Variants in TMEFF2 observed in about 807,000 individuals in gnomAD.
TMEFF2 encodes transmembrane protein with EGF like and two follistatin like domains 2, also known as tomoregulin-2.
TMEFF2 carries 28 observed loss-of-function variants against 53.8 expected under a neutral mutation model. That is an observed-to-expected ratio of 0.52 (90% CI 0.39 to 0.71). The LOEUF is 0.71. Among genes scored for constraint, TMEFF2 ranks in the 30% least tolerant of loss-of-function variants. The pLI is 0.00. For synonymous variants in TMEFF2, 162 were observed against 166.3 expected (o/e 0.97, Z 0.20); for missense variants, 353 against 455.2 (o/e 0.78, Z 2.04).
chr2:192,187,661 G>A (rs184111368), intron 2 of TMEFF2, among the ~76,000 whole-genome samples: 20 of 152,280 alleles, frequency 1.3e-4, no homozygotes, highest in African/African-American at 3.8e-4. Flanking sequence ...AAACGTATGT[G>A]TTGTACAAAC....
At chr2:192,109,750 G>A (rs866031972) in intron 4 of TMEFF2, among the ~76,000 whole-genome samples, 13 of 152,208 alleles carry the variant, frequency 8.5e-5, no homozygotes, top group African/African-American at 2.2e-4. Context: ...TGATATGTGC[G>A]AAATGTGTGC....
At chr2:192,054,893 GA>G (rs374591823) in intron 5 of TMEFF2, among the ~76,000 whole-genome samples, 10 of 148,038 alleles carry the variant, frequency 6.8e-5, no homozygotes, top group Admixed American at 4.0e-4. Flanking sequence ...AGATAGCTGA[GA>G]AAAAAAAACA....
At chr2:192,091,872 C>G (rs183165450) in intron 4 of TMEFF2, among the ~76,000 whole-genome samples, 20 of 152,108 alleles carry the variant, frequency 1.3e-4, no homozygotes, top group African/African-American at 4.8e-4. Context: ...GGCAGTGACA[C>G]CTAGGTGCTG....
At chr2:192,096,463 A>C (rs1291047017) in intron 4 of TMEFF2, among the ~76,000 whole-genome samples, 11 of 152,074 alleles carry the variant, frequency 7.2e-5, no homozygotes, top group Admixed American at 6.6e-4. Context: ...TGATTTTTTC[A>C]ATTAATCCTT....
In TMEFF2 at chr2:192,045,963, T is replaced by C. The variant is rs994384753; in HGVS notation, c.536+11716A>G. 2.6e-5 allele frequency among the ~76,000 whole-genome samples: 4 copies of C among 152,336 alleles called. 1 individual carries two copies. The highest frequency in any genetic ancestry group is 4.1e-4 in the South Asian group (2 of 4,824). ...ATCTTGGTATTCCACACAGCATTGC[T>C]TCTGACTAAGGAACTTACTTCACTG... On this transcript the variant is annotated intron_variant, in intron 5 of 9. Coordinates refer to ENST00000272771, the MANE Select transcript of TMEFF2 (RefSeq NM_016192.4).
chr2:192,052,585 C>A (rs1032832039), intron 5 of TMEFF2, among the ~76,000 whole-genome samples: 4 of 152,094 alleles, frequency 2.6e-5, no homozygotes, highest in Admixed American at 2.0e-4. Context: ...TCAGATGGAG[C>A]TTTATTACTT....
intron 2 of TMEFF2, among the ~76,000 whole-genome samples, chr2:192,185,895 T>C (rs1375006667): frequency 6.6e-6 from 1 of 152,120 alleles, no homozygotes; most frequent in Non-Finnish European, 1.5e-5. Context: ...AACTTAAATA[T>C]AATGTTTTGG....
chr2:192,031,835 TGCTTTCTG>T (rs1009286764), intron 5 of TMEFF2: 7 of 152,234 alleles, frequency 4.6e-5, no homozygotes, highest in African/African-American at 1.7e-4. Flanking sequence ...CAGCCTTTCT[TGCTTTCTG>T]GCTTTGGAAA....
chr2:192,050,969 A>T (rs1259148398), intron 5 of TMEFF2, among the ~76,000 whole-genome samples: 1 of 152,100 alleles, frequency 6.6e-6, no homozygotes, highest in African/African-American at 2.4e-5. Context: ...CCACCCCGAA[A>T]CATTTTTTGG....
rs200358691 is a variant in TMEFF2 at position 191,953,760 on chromosome 2, C to T, written c.947G>A (p.Arg316Gln). The T allele has an allele frequency of 3.3e-5, 54 of 1,614,032 alleles. No homozygotes were observed. The highest frequency in any genetic ancestry group is 4.5e-5 in the Non-Finnish European group (53 of 1,179,994). Reference sequence around the variant, plus strand: ...AGCTGCGATTAAGACATACTGAAATCGTACAGGACCGGGAACAACGTATAG... The same window carrying T: ...AGCTGCGATTAAGACATACTGAAATTGTACAGGACCGGGAACAACGTATAG... ...SVLYVVPGPVRFQYVLIAAVI... is the reference protein window; with the variant it reads ...SVLYVVPGPVQFQYVLIAAVI... Residue 316 changes from arginine to glutamine, a missense_variant, in exon 9 of 10, where the codon CGA (arginine) becomes CAA (glutamine). Transcript: ENST00000272771.
intron 5 of TMEFF2, chr2:192,035,527 G>A (rs531519017): frequency 7.2e-5 from 11 of 152,196 alleles, no homozygotes; most frequent in African/African-American, 2.6e-4. Context: ...TATTTCTGAT[G>A]TCTTATCTTA....
chr2:191,950,442 A>T (rs1308721797), intron 9 of TMEFF2, 35 bp from the exon 10 acceptor site: 40 of 1,613,898 alleles, frequency 2.5e-5, no homozygotes, highest in East Asian at 4.5e-5. Flanking sequence ...TCTCAGTCCA[A>T]TGCTATTACC....
At chr2:191,964,323 CCTTTCTTTCCTT>C (rs1692368629) in intron 7 of TMEFF2, among the ~76,000 whole-genome samples, 1 of 122,444 alleles carries the variant, frequency 8.2e-6, no homozygotes, top group African/African-American at 3.6e-5. Flanking sequence ...TTCCTTCCTT[CCTTTCTTTCCTT>C]CTTTCTTTCT....
chr2:192,098,744 C>A (rs1248102830), intron 4 of TMEFF2, among the ~76,000 whole-genome samples: 1 of 152,166 alleles, frequency 6.6e-6, no homozygotes, highest in East Asian at 1.9e-4. Flanking sequence ...CCAGGAAGGA[C>A]AGCAGGATGG....
At chr2:191,999,291 TAAGTTGACAAAATGC>T in intron 5 of TMEFF2, 83 bp from the exon 6 acceptor site, 1 of 1,252,910 alleles carries the variant, frequency 8.0e-7, no homozygotes, top group Non-Finnish European at 1.1e-6. Context: ...AAAGAATTGC[TAAGTTGACAAAATGC>T]AAGTTGGCAA....
At chr2:191,951,888 G>A (rs376804148) in intron 9 of TMEFF2, among the ~76,000 whole-genome samples, 89 of 152,256 alleles carry the variant, frequency 5.8e-4, no homozygotes, top group African/African-American at 2.0e-3. Context: ...TTATAACATG[G>A]AAAATGAGTA....
chr2:192,050,018 AAG>A (rs1687729135), intron 5 of TMEFF2, among the ~76,000 whole-genome samples: 1 of 152,212 alleles, frequency 6.6e-6, no homozygotes, highest in African/African-American at 2.4e-5. Context: ...CAAACAAAAA[AAG>A]CAAGTAAAAA....
At position 192,047,770 on chromosome 2, in the gene TMEFF2, A is replaced by G. The variant is rs139803683; in HGVS notation, c.536+9909T>C. On this transcript the variant is annotated intron_variant, in intron 5 of 9. Transcript: ENST00000272771. ...ATATAATTTTACAATTTGTTCAATC[A>G]TTTATTAGATATTATATGCCCTGTT... Among the ~76,000 whole-genome samples, 17 of 152,300 alleles carry G rather than the reference A, an allele frequency of 1.1e-4. No homozygotes were observed. In the East Asian group the frequency reaches 3.3e-3, roughly 29 times the overall value.
intron 4 of TMEFF2, among the ~76,000 whole-genome samples, chr2:192,165,044 A>G (rs1417094884): frequency 6.7e-6 from 1 of 150,088 alleles, no homozygotes; most frequent in East Asian, 2.0e-4. Context: ...GCAGGAGACT[A>G]GCAAGCCAAA....
Sources: allele counts gnomAD v4.1 joint callset (sites outside exome capture counted in the v4.1 genomes callset), GRCh38; gene constraint gnomAD v4.1.1; transcripts MANE v1.5; gene names NCBI Gene and HGNC (gene_info 2026-07-23, HGNC 2026-07-21).